CAPN7: variants seen among roughly 807,000 people sequenced by gnomAD.
CAPN7 encodes calpain 7, also known as calpain-7.
CAPN7 carries 72 observed loss-of-function variants against 115.2 expected under a neutral mutation model. The ratio of observed to expected loss-of-function variants is 0.63; its 90% CI spans 0.52 to 0.76. The LOEUF is 0.76. Among genes scored for constraint, CAPN7 ranks in the 30% least tolerant of loss-of-function variants. The probability of loss-of-function intolerance (pLI) is 0.00; values close to 1 mark genes in which losing one functional copy is unlikely to be tolerated. For missense variants in CAPN7, 905 were observed against 971.5 expected (o/e 0.93, Z 0.91); for synonymous variants, 344 against 322.3 (o/e 1.07, Z -0.72).
intron 19 of CAPN7, among the ~76,000 whole-genome samples, chr3:15,248,252 C>G (rs917048910): frequency 4.0e-5 from 6 of 151,762 alleles, no homozygotes; most frequent in Admixed American, 3.9e-4. Context: ...GCCAGTAAAC[C>G]ATTGTAATAG....
intron 8 of CAPN7, among the ~76,000 whole-genome samples, chr3:15,229,492 G>A (rs1382486085): frequency 1.4e-5 from 2 of 145,176 alleles, no homozygotes; most frequent in Non-Finnish European, 3.0e-5. Context: ...TCTCATTTTT[G>A]TGTTGATTAT....
intron 10 of CAPN7, among the ~76,000 whole-genome samples, chr3:15,233,108 CT>C (rs769066422): frequency 6.6e-6 from 1 of 152,162 alleles, no homozygotes; most frequent in Non-Finnish European, 1.5e-5. Flanking sequence ...ATTGGCATGA[CT>C]TTAAATTCTT....
intron 11 of CAPN7, among the ~76,000 whole-genome samples, chr3:15,234,390 G>A (rs1026628124): frequency 6.6e-6 from 1 of 152,050 alleles, no homozygotes; most frequent in African/African-American, 2.4e-5. Flanking sequence ...AGAAGTTGTC[G>A]TTTTTAGTTA....
chr3:15,240,515 C>T lies in CAPN7; in HGVS notation c.1450C>T (p.Arg484Cys), dbSNP rs769723255. The change falls in exon 13 of 21, where the codon CGT becomes TGT. Residue 484 changes from arginine to cysteine, a missense_variant. Coordinates refer to ENST00000253693, the MANE Select transcript of CAPN7 (RefSeq NM_014296.3). The stretch of plus-strand genomic sequence containing the variant: ...GTTGAAAAATCCTTGGAGTCATTTA[C>T]GTTGGAAAGGAAGATACAGTGAAAA... Reference protein sequence around the residue: ...IQLKNPWSHLRWKGRYSENDV... With the variant: ...IQLKNPWSHLCWKGRYSENDV... The T allele has an allele frequency of 2.6e-5, 42 of 1,612,004 alleles. No individual in the cohort carries two copies. Among genetic ancestry groups the T allele is most frequent in the South Asian group, 5.5e-5 (5 of 90,684 alleles).
chr3:15,226,138 C>T (rs545775641), intron 6 of CAPN7, among the ~76,000 whole-genome samples: 12 of 152,128 alleles, frequency 7.9e-5, no homozygotes, highest in South Asian at 6.2e-4. Flanking sequence ...TGCAGTGGTG[C>T]GATCTCAGCT....
At chr3:15,220,094 A>G (rs976122883) in intron 4 of CAPN7, among the ~76,000 whole-genome samples, 1 of 152,128 alleles carries the variant, frequency 6.6e-6, no homozygotes, top group Non-Finnish European at 1.5e-5. Context: ...CCAGCTACTC[A>G]GAAGGCTGAG....
At chr3:15,243,095 A>G (rs1412303208) in intron 16 of CAPN7, among the ~76,000 whole-genome samples, 1 of 152,228 alleles carries the variant, frequency 6.6e-6, no homozygotes, top group Non-Finnish European at 1.5e-5. Flanking sequence ...GAGAAGAGCT[A>G]TGAATAACAA....
intron 1 of CAPN7, among the ~76,000 whole-genome samples, chr3:15,211,620 T>C (rs2044955865): frequency 6.7e-6 from 1 of 149,242 alleles, no homozygotes; most frequent in African/African-American, 2.5e-5. Context: ...TTGGGCCAGG[T>C]GTGGTGGCTC....
At position 15,230,473 on chromosome 3, in the gene CAPN7, C is replaced by T. The variant is rs1276539846; in HGVS notation, c.970C>T (p.Pro324Ser). ...IIYPQNKDGE[P>S]EYNPCGKYMV... ...TTACCCTCAAAACAAGGATGGTGAACCAGAATACAATCCATGTGGGAAGTA... is the reference window on the plus strand; with the variant it reads ...TTACCCTCAAAACAAGGATGGTGAATCAGAATACAATCCATGTGGGAAGTA... Residue 324 changes from proline (P) to serine (S), a missense_variant, in exon 9 of 21, where the codon CCA becomes TCA. Pro to Ser is a moderately conservative substitution (Grantham distance 74). Transcript: ENST00000253693. 1 of 1,612,502 alleles carries T rather than the reference C, an allele frequency of 6.2e-7. No homozygotes were observed. Among genetic ancestry groups the T allele is most frequent in the African/African-American group, 1.3e-5 (1 of 74,862 alleles).
At chr3:15,232,761 G>A in intron 10 of CAPN7, 96 bp downstream of exon 10, 1 of 1,048,558 alleles carries the variant, frequency 9.5e-7, no homozygotes, top group South Asian at 1.9e-5. Flanking sequence ...TTGTTTATAG[G>A]GAAAGAGAGC....
intron 12 of CAPN7, among the ~76,000 whole-genome samples, chr3:15,239,947 A>G (rs183035208): frequency 6.6e-6 from 1 of 152,370 alleles, no homozygotes; most frequent in East Asian, 1.9e-4. Context: ...TAGAGGCAAA[A>G]TTGAATAAGG....
chr3:15,247,254 T>A (rs1695719707), intron 18 of CAPN7, 73 bp from the exon 19 acceptor site: 3 of 1,026,326 alleles, frequency 2.9e-6, no homozygotes, highest in Admixed American at 3.6e-5. Flanking sequence ...TTTTTTGAGA[T>A]GGAAAGGAGT....
At chr3:15,249,794 T>A (rs1051362846) in intron 19 of CAPN7, among the ~76,000 whole-genome samples, 1 of 150,928 alleles carries the variant, frequency 6.6e-6, no homozygotes, top group African/African-American at 2.4e-5. Context: ...TGAGACAGAG[T>A]CTTGCTCTGT....
intron 6 of CAPN7, among the ~76,000 whole-genome samples, chr3:15,224,090 C>T (rs944172296): frequency 6.6e-6 from 1 of 152,092 alleles, no homozygotes; most frequent in Non-Finnish European, 1.5e-5. Context: ...TAAGGACACT[C>T]ATCAAAGCAT....
chr3:15,233,738 G>T, intron 10 of CAPN7, 129 bp from the exon 11 acceptor site: 1 of 615,792 alleles, frequency 1.6e-6, no homozygotes. Context: ...ATTACTAGTT[G>T]AAAACAACTA....
chr3:15,219,415 A>G (rs1693831695), intron 4 of CAPN7, among the ~76,000 whole-genome samples: 1 of 152,234 alleles, frequency 6.6e-6, no homozygotes, highest in African/African-American at 2.4e-5. Flanking sequence ...CTGAAGTAAA[A>G]TAGTCATCCC....
chr3:15,226,072 G>GT (rs1210963584), intron 6 of CAPN7, among the ~76,000 whole-genome samples: 17 of 151,428 alleles, frequency 1.1e-4, no homozygotes, highest in African/African-American at 4.2e-4. Context: ...ATAATTGTAA[G>GT]TTTTTTTATT....
chr3:15,229,948 G>A (rs753768051), intron 8 of CAPN7, among the ~76,000 whole-genome samples: 12 of 152,036 alleles, frequency 7.9e-5, no homozygotes, highest in Non-Finnish European at 1.5e-4. Context: ...TGAATTAGAC[G>A]CAGTCCTTAG....
chr3:15,229,075 T>A lies in CAPN7; in HGVS notation c.938+16T>A. ...TAATTACCGGGTAAAAATGTGTCTC[T>A]CTTTACCTCTTTTTGTGTAATTGTC... On this transcript the variant is annotated intron_variant, in intron 8 of 20. Coordinates refer to ENST00000253693, the MANE Select transcript of CAPN7 (RefSeq NM_014296.3). 6.4e-7 allele frequency: 1 copy of A among 1,561,518 alleles called. No homozygotes were observed. Among genetic ancestry groups the A allele is most frequent in the South Asian group, 1.1e-5 (1 of 89,464 alleles).
Sources: gnomAD v4.1 joint callset for allele counts (sites outside exome capture counted in the v4.1 genomes callset) on GRCh38, gnomAD v4.1.1 for gene constraint, MANE v1.5 for transcripts, NCBI Gene and HGNC (gene_info 2026-07-23, HGNC 2026-07-21) for gene names.